The following FILIP1 variants were observed in gnomAD, a reference collection of about 807,000 sequenced individuals.
FILIP1 encodes the protein filamin-A-interacting protein 1.
In FILIP1, 61 loss-of-function variants were observed where a neutral mutation model predicts 102.1. That is an observed-to-expected ratio of 0.60 (90% CI 0.49 to 0.74). The LOEUF is 0.74. FILIP1 is among the 30% of genes least tolerant of loss of function. The pLI, the probability that FILIP1 is intolerant of heterozygous loss-of-function variation, is 0.00. For missense variants in FILIP1, 1,314 were observed against 1,441.2 expected, an observed-to-expected ratio of 0.91 and a Z score of 1.43; for synonymous variants, 491 against 526.9, an observed-to-expected ratio of 0.93 and a Z score of 0.93.
In FILIP1 at chr6:75,459,343, T is replaced by C. The variant is rs189087639; in HGVS notation, c.-7+34071A>G. 7.9e-5 allele frequency among the ~76,000 whole-genome samples: 12 copies of C among 152,314 alleles called. No individual in the cohort carries two copies. The East Asian group carries it at 2.1e-3, about 27-fold the overall frequency. On this transcript the variant is annotated intron_variant, in intron 1 of 5. Coordinates refer to ENST00000237172, the MANE Select transcript of FILIP1 (RefSeq NM_015687.5). ...CATGTTATTAATTACTAGTATGAAT[T>C]GTTGGCAGGATTGGACTATAGAGGA... is the stretch of plus-strand genomic sequence containing the variant.
intron 2 of FILIP1, among the ~76,000 whole-genome samples, chr6:75,387,940 G>A (rs545078197): frequency 1.6e-4 from 24 of 152,238 alleles, no homozygotes; most frequent in South Asian, 2.1e-4. Flanking sequence ...TGGTGTTTTA[G>A]TCATGAAGTC....
intron 4 of FILIP1, among the ~76,000 whole-genome samples, chr6:75,316,718 A>C (rs1472759743): frequency 1.3e-5 from 2 of 152,182 alleles, no homozygotes; most frequent in Admixed American, 1.3e-4. Context: ...AAAAATCATT[A>C]TGACTTTATT....
chr6:75,471,362 C>T (rs1779323775), intron 1 of FILIP1, among the ~76,000 whole-genome samples: 1 of 151,426 alleles, frequency 6.6e-6, no homozygotes, highest in African/African-American at 2.4e-5. Flanking sequence ...AAAAATAGAC[C>T]AATAGTATAA....
At chr6:75,426,198 C>T (rs995804303) in intron 1 of FILIP1, among the ~76,000 whole-genome samples, 1 of 152,032 alleles carries the variant, frequency 6.6e-6, no homozygotes, top group Non-Finnish European at 1.5e-5. Flanking sequence ...TTCTGCCACT[C>T]CTCATTCTGT....
downstream of FILIP1, among the ~76,000 whole-genome samples, chr6:75,303,767 G>C (rs1005810007): frequency 6.6e-6 from 1 of 151,948 alleles, no homozygotes; most frequent in South Asian, 2.1e-4. Flanking sequence ...GAGAGAGAGA[G>C]AGAGAAAGAG....
intron 2 of FILIP1, among the ~76,000 whole-genome samples, chr6:75,389,536 G>C (rs1329229628): frequency 1.3e-5 from 2 of 152,062 alleles, no homozygotes; most frequent in African/African-American, 4.8e-5. Context: ...ATTAATTACT[G>C]CCTCAATTTC....
chr6:75,318,323 C>T (rs1426612052), intron 4 of FILIP1, among the ~76,000 whole-genome samples: 10 of 146,392 alleles, frequency 6.8e-5, no homozygotes, highest in Admixed American at 4.2e-4. Flanking sequence ...GCAGCCTCAA[C>T]GTTTTGTGCT....
intron 1 of FILIP1, among the ~76,000 whole-genome samples, chr6:75,462,748 C>T (rs1779061593): frequency 6.6e-6 from 1 of 152,144 alleles, no homozygotes; most frequent in African/African-American, 2.4e-5. Flanking sequence ...TGTGTTTACT[C>T]TCCTGTTAAG....
chr6:75,296,341 TTGTGTGTGTGTGTGTGTGTGTGTGTGTG>T (rs57430339), intron 6 of FILIP1, among the ~76,000 whole-genome samples: 1 of 141,482 alleles, frequency 7.1e-6, no homozygotes, highest in East Asian at 2.0e-4. Flanking sequence ...TTCAATTTCT[TTGTGTGTGTGTGTGTGTGTGTGTGTGTG>T]TGTGTGTGTG....
Position 75,362,695 on chromosome 6 carries a change from A to G in FILIP1, c.450+49T>C, listed in dbSNP as rs748014773. 5 of 1,566,680 alleles carry G rather than the reference A, an allele frequency of 3.2e-6. No homozygotes were observed. The South Asian group carries it at 5.6e-5, about 17-fold the overall frequency. On this transcript the variant is annotated intron_variant, in intron 3 of 5. Transcript: ENST00000237172. ...CATGTAAATGGAAGAATGTGAAGAT[A>G]TCTCCCTGAGGTTCCCATCCAGGGG...
chr6:75,358,353 A>G (rs1282123078), intron 3 of FILIP1: 2 of 152,238 alleles, frequency 1.3e-5, no homozygotes, highest in African/African-American at 4.8e-5. Flanking sequence ...TCTTAAAAAT[A>G]GGGATATTAA....
intron 4 of FILIP1, among the ~76,000 whole-genome samples, chr6:75,341,693 T>C (rs1774425455): frequency 6.6e-6 from 1 of 152,252 alleles, no homozygotes; most frequent in Non-Finnish European, 1.5e-5. Context: ...TGATTTCATG[T>C]AATTTTGTAC....
rs1773225082 is a variant in FILIP1, at chr6:75,312,393, T to C, written c.3435+4A>G. Reference sequence around the variant, plus strand: ...GCCTGCGCTTTGGAGCCTCTTCTACTCACCACTGACTGGGTTCCTCGAGCA... The same window carrying C: ...GCCTGCGCTTTGGAGCCTCTTCTACCCACCACTGACTGGGTTCCTCGAGCA... On this transcript the variant is annotated splice_donor_region_variant and intron_variant, in intron 5 of 5. Transcript: ENST00000237172. 1.9e-6 allele frequency: 3 copies of C among 1,611,566 alleles called. No homozygotes were observed. In the East Asian group the frequency reaches 6.7e-5, roughly 36 times the overall value.
chr6:75,458,074 A>T (rs1778903887), intron 1 of FILIP1: 1 of 152,230 alleles, frequency 6.6e-6, no homozygotes, highest in Non-Finnish European at 1.5e-5. Context: ...AGTTTTTAGT[A>T]TAAATATGTC....
At chr6:75,401,765 C>A (rs951489372) in intron 2 of FILIP1, among the ~76,000 whole-genome samples, 3 of 152,104 alleles carry the variant, frequency 2.0e-5, no homozygotes, top group African/African-American at 7.2e-5. Flanking sequence ...TCCTGGAAGT[C>A]TTCTGGAATC....
chr6:75,442,462 C>A (rs1003041135), intron 1 of FILIP1, among the ~76,000 whole-genome samples: 2 of 152,230 alleles, frequency 1.3e-5, no homozygotes, highest in South Asian at 4.1e-4. Flanking sequence ...AGCCTGGGCA[C>A]CATTGAGCAC....
chr6:75,475,487 ATAT>A (rs1779449098), intron 1 of FILIP1, among the ~76,000 whole-genome samples: 1 of 152,212 alleles, frequency 6.6e-6, no homozygotes, highest in Non-Finnish European at 1.5e-5. Context: ...GCATCTTATT[ATAT>A]TATGATGATG....
chr6:75,480,837 A>G (rs1279745369), intron 1 of FILIP1, among the ~76,000 whole-genome samples: 1 of 152,182 alleles, frequency 6.6e-6, no homozygotes. Context: ...TAAAGATTTA[A>G]CTGTGATGAG....
rs1001319179 is a variant in FILIP1, at chr6:75,442,536, G to T, written c.-6-27558C>A. The stretch of plus-strand genomic sequence containing the variant: ...GGAGGCCGAGGCTGGCGGATCCCTC[G>T]CGGTTAGGAGCTGGAGACCAGCCCG... On this transcript the variant is annotated intron_variant, in intron 1 of 5. Transcript: ENST00000237172. Among the ~76,000 whole-genome samples, 7 of 152,210 alleles carry T rather than the reference G, an allele frequency of 4.6e-5. No homozygotes were observed. The East Asian group carries it at 1.4e-3, about 29-fold the overall frequency.
Sources: allele counts gnomAD v4.1 joint callset (sites outside exome capture counted in the v4.1 genomes callset), GRCh38; gene constraint gnomAD v4.1.1; transcripts MANE v1.5; gene names NCBI Gene and HGNC (gene_info 2026-07-23, HGNC 2026-07-21).